CYP2C19: variants seen among roughly 807,000 people sequenced by gnomAD.
CYP2C19 encodes cytochrome P450 2C19.
CYP2C19 carries 59 observed loss-of-function variants against 40.9 expected under a neutral mutation model. The observed-to-expected ratio is 1.44, with a 90% CI of 1.17 to 1.79. The LOEUF (loss-of-function observed/expected upper bound fraction) is 1.79. CYP2C19 is among the 40% of genes most tolerant of loss of function. The pLI is 0.00. For missense variants in CYP2C19, 754 were observed against 596.9 expected, an observed-to-expected ratio of 1.26 and a Z score of -2.74; for synonymous variants, 253 against 208.7, an observed-to-expected ratio of 1.21 and a Z score of -1.83.
In CYP2C19 at chr10:94,853,038, C is replaced by A; in HGVS notation, c.*124C>A. 9.7e-7 allele frequency: 1 copy of A among 1,035,382 alleles called. No individual in the cohort carries two copies. The highest frequency in any genetic ancestry group is 1.4e-6 in the Non-Finnish European group (1 of 708,372). The allele number at this position is 1,035,382 out of a possible 1,614,324, so 64.1% of individuals were successfully genotyped here. On this transcript the variant is annotated 3_prime_UTR_variant, in exon 9 of 9. Transcript: ENST00000371321. ...CTCACATTTTCCCTTCCCCCAAGAT[C>A]TAGTGAACATTCAGCCTCCATTAAA...
chr10:94,789,282 C>T (rs1440606700), intron 5 of CYP2C19, among the ~76,000 whole-genome samples: 2 of 151,790 alleles, frequency 1.3e-5, no homozygotes, highest in Non-Finnish European at 2.9e-5. Context: ...AATTTTCTCC[C>T]ATTCTCTAGG....
intron 5 of CYP2C19, among the ~76,000 whole-genome samples, chr10:94,813,619 G>C (rs1848958437): frequency 6.6e-6 from 1 of 151,872 alleles, no homozygotes; most frequent in South Asian, 2.1e-4. Flanking sequence ...AACAATGGCA[G>C]ACTCCCCTCA....
intron 1 of CYP2C19, among the ~76,000 whole-genome samples, chr10:94,769,055 A>G (rs71482318): frequency 1.3e-5 from 2 of 151,982 alleles, no homozygotes; most frequent in Non-Finnish European, 2.9e-5. Flanking sequence ...TAGGGTGAGG[A>G]TAAGCCAGTA....
intron 1 of CYP2C19, among the ~76,000 whole-genome samples, chr10:94,770,335 A>C (rs1028479944): frequency 1.1e-4 from 17 of 152,174 alleles, no homozygotes; most frequent in African/African-American, 3.9e-4. Flanking sequence ...CTCATTGGAC[A>C]ATCTTTTTTA....
At position 94,784,606 on chromosome 10, in the gene CYP2C19, A is replaced by ATTATTTAT. The variant is rs576229059; in HGVS notation, c.819+2628_819+2635dup. On this transcript the variant is annotated intron_variant, in intron 5 of 8. Coordinates refer to ENST00000371321, the MANE Select transcript of CYP2C19 (RefSeq NM_000769.4). ...CCTAGTGAATGTAAAGTGGTATCTC[A>ATTATTTAT]TTATTTATTTATTTATTTATTTATT... 4.6e-5 allele frequency among the ~76,000 whole-genome samples: 7 copies of ATTATTTAT among 151,728 alleles called. 1 individual carries two copies. Among genetic ancestry groups the ATTATTTAT allele is most frequent in the Admixed American group, 2.6e-4 (4 of 15,212 alleles).
At position 94,853,149 on chromosome 10, in the gene CYP2C19, A is replaced by T. The variant is rs2134295439; in HGVS notation, c.*235A>T. The T allele has an allele frequency of 3.8e-6, 2 of 524,610 alleles. No homozygotes were observed. The highest frequency in any genetic ancestry group is 6.7e-6 in the Non-Finnish European group (2 of 298,842). The allele number at this position is 524,610 out of a possible 1,614,324, so 32.5% of individuals were successfully genotyped here. A position where few individuals can be genotyped will look rare whatever the true frequency, so the allele number is the denominator to read the frequency against. ...GCCACATAATGCTGATACTTGTCTA[A>T]TGTTGAGTTATTAACATATTATTAT... is the stretch of plus-strand genomic sequence containing the variant. On this transcript the variant is annotated 3_prime_UTR_variant, in exon 9 of 9. Coordinates refer to ENST00000371321, the MANE Select transcript of CYP2C19 (RefSeq NM_000769.4).
intron 5 of CYP2C19, among the ~76,000 whole-genome samples, chr10:94,782,429 A>C (rs1237313048): frequency 6.6e-6 from 1 of 152,168 alleles, no homozygotes; most frequent in Non-Finnish European, 1.5e-5. Flanking sequence ...CATGCCAGTT[A>C]GAATGGCGAT....
intron 8 of CYP2C19, among the ~76,000 whole-genome samples, chr10:94,850,433 C>T (rs984895502): frequency 1.3e-5 from 2 of 152,136 alleles, no homozygotes; most frequent in Non-Finnish European, 2.9e-5. Context: ...CACATGGTGT[C>T]CCTCACCCCC....
chr10:94,827,512 C>G (rs1049308082), intron 6 of CYP2C19, among the ~76,000 whole-genome samples: 3 of 151,838 alleles, frequency 2.0e-5, no homozygotes, highest in African/African-American at 7.3e-5. Context: ...GGTGATATCC[C>G]CTTTATCGTT....
intron 5 of CYP2C19, among the ~76,000 whole-genome samples, chr10:94,782,992 G>A (rs546344414): frequency 6.6e-6 from 1 of 152,206 alleles, no homozygotes; most frequent in African/African-American, 2.4e-5. Flanking sequence ...ATAACATTAA[G>A]AGAAATACCT....
At chr10:94,787,402 T>G (rs1268636290) in intron 5 of CYP2C19, among the ~76,000 whole-genome samples, 1 of 152,152 alleles carries the variant, frequency 6.6e-6, no homozygotes, top group African/African-American at 2.4e-5. Context: ...TGGACCATTG[T>G]TAGAATCACA....
At chr10:94,826,667 T>C (rs1418212045) in intron 6 of CYP2C19, among the ~76,000 whole-genome samples, 1 of 152,160 alleles carries the variant, frequency 6.6e-6, no homozygotes, top group Admixed American at 6.5e-5. Flanking sequence ...TCCTGCCTAA[T>C]TGCCCTGGCC....
intron 5 of CYP2C19, among the ~76,000 whole-genome samples, chr10:94,802,564 G>T (rs557913188): frequency 4.7e-4 from 72 of 152,162 alleles, no homozygotes; most frequent in Non-Finnish European, 1.0e-4. Flanking sequence ...CTTTTAACTA[G>T]GGTATTTAGC....
intron 7 of CYP2C19, among the ~76,000 whole-genome samples, chr10:94,847,219 C>T (rs1413756412): frequency 6.6e-6 from 1 of 151,962 alleles, no homozygotes; most frequent in Non-Finnish European, 1.5e-5. Flanking sequence ...TAATGCTAAC[C>T]CTCCTCCCTC....
intron 5 of CYP2C19, among the ~76,000 whole-genome samples, chr10:94,793,438 T>G (rs1366462300): frequency 6.6e-6 from 1 of 152,204 alleles, no homozygotes; most frequent in African/African-American, 2.4e-5. Context: ...AGAGGTGCTC[T>G]GATTTTTAGA....
chr10:94,817,939 G>T (rs1162064952), intron 5 of CYP2C19, among the ~76,000 whole-genome samples: 1 of 149,922 alleles, frequency 6.7e-6, no homozygotes, highest in African/African-American at 2.5e-5. Flanking sequence ...CGTGAACCCG[G>T]GAGGCGGAGC....
chr10:94,799,756 A>T (rs1287034542), intron 5 of CYP2C19, among the ~76,000 whole-genome samples: 1 of 151,826 alleles, frequency 6.6e-6, no homozygotes, highest in African/African-American at 2.4e-5. Flanking sequence ...AATTAATTTG[A>T]TATTTGATCA....
At chr10:94,783,337 G>C (rs1848502264) in intron 5 of CYP2C19, among the ~76,000 whole-genome samples, 1 of 152,032 alleles carries the variant, frequency 6.6e-6, no homozygotes. Flanking sequence ...TGCAGTGAGA[G>C]TCAGAAGAGG....
intron 6 of CYP2C19, among the ~76,000 whole-genome samples, chr10:94,829,879 G>A (rs912260433): frequency 5.9e-5 from 9 of 152,044 alleles, no homozygotes; most frequent in Admixed American, 1.3e-4. Context: ...TAACAGACAG[G>A]ACCCTCAGCT....
Sources: allele counts gnomAD v4.1 joint callset (sites outside exome capture counted in the v4.1 genomes callset), GRCh38; gene constraint gnomAD v4.1.1; transcripts MANE v1.5; gene names NCBI Gene and HGNC (gene_info 2026-07-23, HGNC 2026-07-21).